The following IRAG1 variants were observed in gnomAD, a reference collection of about 807,000 sequenced individuals.
IRAG1 encodes the protein inositol 1,4,5-triphosphate receptor associated 1.
In IRAG1, 62 loss-of-function variants were observed where a neutral mutation model predicts 106.2. The observed-to-expected ratio is 0.58, with a 90% CI of 0.48 to 0.72. The LOEUF (loss-of-function observed/expected upper bound fraction) is 0.72. IRAG1 is among the 30% of genes least tolerant of loss of function. The pLI, the probability that IRAG1 is intolerant of heterozygous loss-of-function variation, is 0.00. For synonymous variants in IRAG1, 462 were observed against 443.9 expected (o/e 1.04, Z -0.51); for missense variants, 1,064 against 1,140.7 (o/e 0.93, Z 0.97).
In IRAG1 at chr11:10,617,913, G is replaced by C. The variant is rs559497345; in HGVS notation, c.1447+5865C>G. ...TGTCTCCCTGTCTCTAGCCTCTGCT[G>C]TTTCAGGCCAGCTCTCACAATCTGT... On this transcript the variant is annotated intron_variant, in intron 10 of 20. Transcript: ENST00000423302. Among the ~76,000 whole-genome samples the C allele has an allele frequency of 3.1e-4, 45 of 147,034 alleles. 1 individual carries two copies. In the South Asian group the frequency reaches 8.5e-3, roughly 28 times the overall value.
chr11:10,604,475 G>T lies in IRAG1; in HGVS notation c.1673C>A (p.Ala558Asp). 5 of 1,613,966 alleles carry T rather than the reference G, an allele frequency of 3.1e-6. No individual in the cohort carries two copies. Among genetic ancestry groups the T allele is most frequent in the Non-Finnish European group, 4.2e-6 (5 of 1,179,864 alleles). Reference sequence around the variant, plus strand: ...CTCTGTCAGGTTGCGTTCCCTTTCAGCCTGGTTAATTCTAGATTCCAGAGT... The same window carrying T: ...CTCTGTCAGGTTGCGTTCCCTTTCATCCTGGTTAATTCTAGATTCCAGAGT... ...SYTLESRINQ[A>D]ERERNLTEEN... The change falls in exon 13 of 21, where the codon GCT (alanine) becomes GAT (aspartate). Residue 558 changes from alanine to aspartate, a missense_variant. Physicochemically the swap from Ala to Asp is moderately radical, Grantham distance 126. Transcript: ENST00000423302.
intron 11 of IRAG1, among the ~76,000 whole-genome samples, chr11:10,608,318 C>G (rs1168651281): frequency 6.6e-6 from 1 of 152,006 alleles, no homozygotes; most frequent in Non-Finnish European, 1.5e-5. Context: ...TTTGTAGAAA[C>G]AGAGTTTCAC....
chr11:10,683,886 TA>T (rs34835579), intron 1 of IRAG1, among the ~76,000 whole-genome samples: 224 of 147,454 alleles, frequency 1.5e-3, no homozygotes, highest in South Asian at 7.1e-3. Context: ...GTTGACACTT[TA>T]AAAAAAAAAA....
intron 10 of IRAG1, among the ~76,000 whole-genome samples, chr11:10,612,869 A>C (rs1008219531): frequency 6.6e-6 from 1 of 152,200 alleles, no homozygotes; most frequent in African/African-American, 2.4e-5. Context: ...GATGATTGCT[A>C]TTTAAGGAAA....
intron 2 of IRAG1, among the ~76,000 whole-genome samples, chr11:10,640,008 G>A (rs1387288113): frequency 3.3e-5 from 5 of 152,152 alleles, no homozygotes; most frequent in South Asian, 4.1e-4. Flanking sequence ...TGAACTGAGC[G>A]GGCCTCTGCA....
At chr11:10,645,065 G>A (rs1202765611) in intron 2 of IRAG1, among the ~76,000 whole-genome samples, 2 of 152,218 alleles carry the variant, frequency 1.3e-5, no homozygotes, top group Admixed American at 1.3e-4. Flanking sequence ...CTGGCATTTG[G>A]TAGTAAATCT....
At chr11:10,622,564 G>T (rs2134526174) in intron 10 of IRAG1, among the ~76,000 whole-genome samples, 1 of 152,170 alleles carries the variant, frequency 6.6e-6, no homozygotes, top group Non-Finnish European at 1.5e-5. Context: ...GAGTACAGTG[G>T]CACGATCACA....
chr11:10,609,755 A>G lies in IRAG1; in HGVS notation c.1544T>C (p.Leu515Pro). 1 of 1,613,896 alleles carries G rather than the reference A, an allele frequency of 6.2e-7. No individual in the cohort carries two copies. The highest frequency in any genetic ancestry group is 8.5e-7 in the Non-Finnish European group (1 of 1,179,840). Reference sequence around the variant, plus strand: ...TCCAGGGAGACTCCTGTGGACCCGCAGTTTGCGCAGCAGCACATCAGAAAT... The same window carrying G: ...TCCAGGGAGACTCCTGTGGACCCGCGGTTTGCGCAGCAGCACATCAGAAAT... ...PNISDVLLRK[L>P]RVHRSLPGSA... The change falls in exon 11 of 21, where the codon CTG (leucine) becomes CCG (proline). Residue 515 changes from leucine to proline, a missense_variant. Leu to Pro is a moderately conservative substitution (Grantham distance 98, BLOSUM62 -3). Coordinates refer to ENST00000423302, the MANE Select transcript of IRAG1 (RefSeq NM_130385.4).
At chr11:10,656,404 C>T (rs978328927) in intron 1 of IRAG1, among the ~76,000 whole-genome samples, 2 of 152,344 alleles carry the variant, frequency 1.3e-5, no homozygotes, top group African/African-American at 4.8e-5. Flanking sequence ...AACAACTTGA[C>T]TGGTTCAGCT....
chr11:10,659,951 C>T lies in IRAG1; in HGVS notation c.68-7769G>A, dbSNP rs905847015. On this transcript the variant is annotated intron_variant, in intron 1 of 20. Transcript: ENST00000423302. This position sits in a 1 kb window ranked among gnomAD's most constrained non-coding sequence, Gnocchi z 4.1. ...CATCCTGGGGTCAAGGACCACACGGCATTCTGGGTCTGTGAGATCCCATAA... is the reference window on the plus strand; with the variant it reads ...CATCCTGGGGTCAAGGACCACACGGTATTCTGGGTCTGTGAGATCCCATAA... Among the ~76,000 whole-genome samples the T allele has an allele frequency of 6.6e-6, 1 of 152,192 alleles. No homozygotes were observed. Among genetic ancestry groups the T allele is most frequent in the Non-Finnish European group, 1.5e-5 (1 of 68,036 alleles).
At chr11:10,642,589 C>T (rs1449196414) in intron 2 of IRAG1, among the ~76,000 whole-genome samples, 1 of 152,204 alleles carries the variant, frequency 6.6e-6, no homozygotes, top group Non-Finnish European at 1.5e-5. Flanking sequence ...AGGCCTAGAC[C>T]AGAATCCCAC....
At chr11:10,621,719 A>T (rs933483694) in intron 10 of IRAG1, among the ~76,000 whole-genome samples, 22 of 152,222 alleles carry the variant, frequency 1.4e-4, no homozygotes, top group Admixed American at 4.6e-4. Context: ...AGATTACATA[A>T]AATCAGAGGT....
At chr11:10,632,313 G>C (rs181455787) in intron 3 of IRAG1, among the ~76,000 whole-genome samples, 2 of 151,466 alleles carry the variant, frequency 1.3e-5, no homozygotes, top group Non-Finnish European at 1.5e-5. Flanking sequence ...AGCCTCCCAA[G>C]TATCTGAGAC....
rs747467074 is a variant in IRAG1 at position 10,604,482 on chromosome 11, T to A, written c.1666A>T (p.Asn556Tyr). The A allele has an allele frequency of 1.9e-6, 3 of 1,614,072 alleles. No individual in the cohort carries two copies. The highest frequency in any genetic ancestry group is 1.6e-4 in the Middle Eastern group (1 of 6,062). ...NDSYTLESRINQAERERNLTE... is the reference protein window; with the variant it reads ...NDSYTLESRIYQAERERNLTE... The stretch of plus-strand genomic sequence containing the variant: ...AGGTTGCGTTCCCTTTCAGCCTGGT[T>A]AATTCTAGATTCCAGAGTGTAGCTG... The change falls in exon 13 of 21, where the codon AAC becomes TAC. Residue 556 changes from asparagine to tyrosine, a missense_variant. By Grantham distance (143) the Asn-to-Tyr change is moderately radical. Transcript: ENST00000423302.
rs986635306 is a variant in IRAG1 at position 10,693,733 on chromosome 11, G to C, written c.-131C>G. Reference sequence around the variant, plus strand: ...AGAGCTCCTCTGGGAGCCCCACTCCGGCCTGGCTCGGGGGATAATGGCAGG... The same window carrying C: ...AGAGCTCCTCTGGGAGCCCCACTCCCGCCTGGCTCGGGGGATAATGGCAGG... On this transcript the variant is annotated 5_prime_UTR_variant, in exon 1 of 21. Coordinates refer to ENST00000423302, the MANE Select transcript of IRAG1 (RefSeq NM_130385.4). 1.7e-5 allele frequency: 18 copies of C among 1,082,634 alleles called. No homozygotes were observed. The African/African-American group carries it at 1.9e-4, about 11-fold the overall frequency. The allele number at this position is 1,082,634 out of a possible 1,614,324, so 67.1% of individuals were successfully genotyped here. A position where few individuals can be genotyped will look rare whatever the true frequency, so the allele number is the denominator to read the frequency against.
chr11:10,684,967 C>A (rs1300568538), intron 1 of IRAG1, among the ~76,000 whole-genome samples: 1 of 152,190 alleles, frequency 6.6e-6, no homozygotes, highest in Non-Finnish European at 1.5e-5. Context: ...AGGAAAGAGG[C>A]CCTTCCTGAG....
chr11:10,682,358 C>A (rs1861324748), intron 1 of IRAG1, among the ~76,000 whole-genome samples: 1 of 152,214 alleles, frequency 6.6e-6, no homozygotes, highest in African/African-American at 2.4e-5. Flanking sequence ...GCCTAAGCAA[C>A]TTTTGTGCTT....
chr11:10,611,455 G>C (rs1253595709), intron 10 of IRAG1: 1 of 152,156 alleles, frequency 6.6e-6, no homozygotes, highest in African/African-American at 2.4e-5. Flanking sequence ...TAATAATCAA[G>C]TGAAATGCAT....
Position 10,688,095 on chromosome 11 carries a change from A to AG in IRAG1, c.67+5440_67+5441insC, listed in dbSNP as rs199644834. On this transcript the variant is annotated intron_variant, in intron 1 of 20. Transcript: ENST00000423302. ...ATATGATGCAAATATTCCAAAGGCCAAAAAAAAAAAAAGTGAAATCTGAAA... is the reference window on the plus strand; with the variant it reads ...ATATGATGCAAATATTCCAAAGGCCAGAAAAAAAAAAAAGTGAAATCTGAAA... Among the ~76,000 whole-genome samples, 826 of 126,004 alleles carry AG rather than the reference A, an allele frequency of 6.6e-3. 6 individuals carry two copies. The highest frequency in any genetic ancestry group is 0.02 in the African/African-American group (657 of 32,110). The allele number at this position is 126,004 out of a possible 152,430, so 82.7% of individuals were successfully genotyped here.
Sources: gnomAD v4.1 joint callset for allele counts (sites outside exome capture counted in the v4.1 genomes callset) on GRCh38, gnomAD v4.1.1 for gene constraint, Gnocchi (gnomAD v3.1) non-coding constraint, MANE v1.5 for transcripts, NCBI Gene and HGNC (gene_info 2026-07-23, HGNC 2026-07-21) for gene names.